Variants in CEACAM6 observed in about 807,000 individuals in gnomAD.
The protein encoded by CEACAM6 is cell adhesion molecule CEACAM6.
Under a neutral mutation model 32.4 loss-of-function variants are expected in CEACAM6, and 21 were observed. The observed-to-expected ratio is 0.65, with a 90% CI of 0.46 to 0.93. CEACAM6 has a LOEUF of 0.93. Ranked by LOEUF, CEACAM6 falls within the 40% of genes least tolerant of loss-of-function variation. The probability of loss-of-function intolerance (pLI) is 0.00; values close to 1 mark genes in which losing one functional copy is unlikely to be tolerated. For missense variants in CEACAM6, 406 were observed against 432.2 expected (o/e 0.94, Z 0.54); for synonymous variants, 184 against 174.4 (o/e 1.06, Z -0.43).
intron 4 of CEACAM6, among the ~76,000 whole-genome samples, chr19:41,763,763 G>A (rs769754610): frequency 6.6e-6 from 1 of 152,146 alleles, no homozygotes; most frequent in Admixed American, 6.5e-5. Context: ...TGCCACACAC[G>A]GCAATCTTCT....
chr19:41,761,407 A>G lies in CEACAM6; in HGVS notation c.583A>G (p.Asn195Asp), dbSNP rs782709435. 3 of 1,614,208 alleles carry G rather than the reference A, an allele frequency of 1.9e-6. No individual in the cohort carries two copies. The South Asian group carries it at 3.3e-5, about 18-fold the overall frequency. Residue 195 changes from asparagine (N) to aspartate (D), a missense_variant, in exon 3 of 6, where the codon AAT becomes GAT. Coordinates refer to ENST00000199764, the MANE Select transcript of CEACAM6 (RefSeq NM_002483.7). Reference protein sequence around the residue: ...LPVSPRLQLSNGNMTLTLLSV... With the variant: ...LPVSPRLQLSDGNMTLTLLSV... ...GGTCAGTCCCAGGCTGCAGCTGTCC[A>G]ATGGCAACATGACCCTCACTCTACT...
intron 2 of CEACAM6, among the ~76,000 whole-genome samples, chr19:41,759,097 C>T (rs2072907442): frequency 6.6e-6 from 1 of 152,220 alleles, no homozygotes; most frequent in Admixed American, 6.5e-5. Context: ...CCATTGACTT[C>T]CGTCCTCATC....
intron 5 of CEACAM6, among the ~76,000 whole-genome samples, chr19:41,770,106 T>C (rs142552332): frequency 2.0e-5 from 3 of 151,478 alleles, no homozygotes; most frequent in African/African-American, 7.3e-5. Context: ...AAACTTCCTG[T>C]AAAACAAACT....
At position 41,761,397 on chromosome 19, in the gene CEACAM6, G is replaced by T; in HGVS notation, c.573G>T (p.Leu191=). ...AGAGCCTCCCGGTCAGTCCCAGGCT[G>T]CAGCTGTCCAATGGCAACATGACCC... ...NGQSLPVSPR[L]QLSNGNMTLT... is the part of the protein sequence containing the mutation. The change falls in exon 3 of 6, where the codon CTG becomes CTT. Residue 191 remains leucine (L), a synonymous_variant. Coordinates refer to ENST00000199764, the MANE Select transcript of CEACAM6 (RefSeq NM_002483.7). The T allele has an allele frequency of 6.2e-7, 1 of 1,614,224 alleles. No homozygotes were observed. The highest frequency in any genetic ancestry group is 8.5e-7 in the Non-Finnish European group (1 of 1,180,046).
intron 5 of CEACAM6, among the ~76,000 whole-genome samples, chr19:41,770,482 A>C (rs2072987667): frequency 6.6e-6 from 1 of 151,804 alleles, no homozygotes; most frequent in Non-Finnish European, 1.5e-5. Context: ...ACTCCTATTC[A>C]AGGAGAATCG....
chr19:41,761,244 C>T lies in CEACAM6; in HGVS notation c.425-5C>T. 1 of 1,614,184 alleles carries T rather than the reference C, an allele frequency of 6.2e-7. No individual in the cohort carries two copies. The highest frequency in any genetic ancestry group is 8.5e-7 in the Non-Finnish European group (1 of 1,180,032). On this transcript the variant is annotated splice_polypyrimidine_tract_variant and splice_region_variant and intron_variant, in intron 2 of 5. Transcript: ENST00000199764. ...AGGGCAATCTTCTCTCTGTTTTCTG[C>T]ACAGCGGAGCTGCCCAAGCCCTCCA...
At position 41,756,825 on chromosome 19, in the gene CEACAM6, G is replaced by A. The variant is rs1314967601; in HGVS notation, c.290G>A (p.Gly97Asp). 1.2e-6 allele frequency: 2 copies of A among 1,613,980 alleles called. No homozygotes were observed. The highest frequency in any genetic ancestry group is 1.1e-5 in the South Asian group (1 of 91,084). Reference protein sequence around the residue: ...QQATPGPAYSGRETIYPNASL... With the variant: ...QQATPGPAYSDRETIYPNASL... ...GCTACCCCAGGGCCCGCATACAGTG[G>A]TCGAGAGACAATATACCCCAATGCA... Residue 97 changes from glycine to aspartate, a missense_variant, in exon 2 of 6, where the codon GGT becomes GAT. Coordinates refer to ENST00000199764, the MANE Select transcript of CEACAM6 (RefSeq NM_002483.7).
At chr19:41,757,830 T>A (rs561636534) in intron 2 of CEACAM6, 2 of 152,274 alleles carry the variant, frequency 1.3e-5, no homozygotes, top group African/African-American at 4.8e-5. Context: ...ACAAACAACC[T>A]CACAGCCAAA....
rs7246116 is a variant in CEACAM6 at position 41,762,045 on chromosome 19, C to G, written c.780C>G (p.His260Gln). Residue 260 changes from histidine to glutamine, a missense_variant, in exon 4 of 6, where the codon CAC becomes CAG. By Grantham distance (24) the His-to-Gln change is conservative (BLOSUM62 0). Transcript: ENST00000199764. ...GGGAAAATCTGAACCTCTCCTGCCA[C>G]GCAGCCTCTAACCCACCTGCACAGT... The part of the protein sequence containing the change: ...RPGENLNLSC[H>Q]AASNPPAQYS... 2 of 1,614,194 alleles carry G rather than the reference C, an allele frequency of 1.2e-6. No individual in the cohort carries two copies. The highest frequency in any genetic ancestry group is 4.5e-5 in the East Asian group (2 of 44,884).
At chr19:41,764,436 G>T (rs1470569452) in intron 4 of CEACAM6, among the ~76,000 whole-genome samples, 1 of 151,712 alleles carries the variant, frequency 6.6e-6, no homozygotes, top group African/African-American at 2.4e-5. Flanking sequence ...ACAGGCATAT[G>T]CCATCATGCC....
chr19:41,768,422 T>C (rs2072969685), intron 5 of CEACAM6, among the ~76,000 whole-genome samples: 1 of 152,202 alleles, frequency 6.6e-6, no homozygotes, highest in South Asian at 2.1e-4. Flanking sequence ...GGGGGTAAGG[T>C]CACAGTTCAA....
chr19:41,761,855 T>A, intron 3 of CEACAM6, 114 bp from the exon 4 acceptor site: 2 of 1,354,812 alleles, frequency 1.5e-6, no homozygotes, highest in Non-Finnish European at 2.0e-6. Flanking sequence ...GGGGGTTTGG[T>A]TGAGACTTCA....
intron 4 of CEACAM6, among the ~76,000 whole-genome samples, chr19:41,763,877 G>A (rs964336981): frequency 3.9e-5 from 6 of 152,220 alleles, no homozygotes; most frequent in Non-Finnish European, 5.9e-5. Flanking sequence ...TGTGAACAGA[G>A]ATAATTTTAC....
In CEACAM6 at chr19:41,761,997, C is replaced by G. The variant is rs142067276; in HGVS notation, c.732C>G (p.Pro244=). ...GCCCAGATGTCCCCACCATTTCCCC[C>G]TCAAAGGCCAATTACCGTCCAGGGG... ...LYGPDVPTIS[P]SKANYRPGEN... Residue 244 remains proline (P), a synonymous_variant, in exon 4 of 6, where the codon CCC becomes CCG. Transcript: ENST00000199764. 56 of 1,614,042 alleles carry G rather than the reference C, an allele frequency of 3.5e-5. No homozygotes were observed. In the South Asian group the frequency reaches 5.8e-4, roughly 17 times the overall value.
In CEACAM6 at chr19:41,756,594, T is replaced by C; in HGVS notation, c.65-6T>C. ...ATATTGACCGATGCTCTCTCCTCTC[T>C]CCTAGCCTCACTTCTAACCTTCTGG... On this transcript the variant is annotated splice_polypyrimidine_tract_variant and splice_region_variant and intron_variant, in intron 1 of 5. Transcript: ENST00000199764. 6.2e-7 allele frequency: 1 copy of C among 1,612,568 alleles called. No individual in the cohort carries two copies. Among genetic ancestry groups the C allele is most frequent in the East Asian group, 2.2e-5 (1 of 44,880 alleles).
intron 1 of CEACAM6, 145 bp from the exon 2 acceptor site, chr19:41,756,454 AC>A (rs2072885590): frequency 8.6e-6 from 1 of 116,192 alleles, no homozygotes; most frequent in Admixed American, 3.2e-4. Context: ...ACTCAGTAGG[AC>A]ACACACACAC....
At chr19:41,760,484 C>T (rs959392929) in intron 2 of CEACAM6, among the ~76,000 whole-genome samples, 3 of 152,152 alleles carry the variant, frequency 2.0e-5, no homozygotes, top group Admixed American at 6.6e-5. Flanking sequence ...ACCTGCCCTC[C>T]GCAGAGGGAG....
At chr19:41,760,344 T>C (rs2072914965) in intron 2 of CEACAM6, among the ~76,000 whole-genome samples, 1 of 152,258 alleles carries the variant, frequency 6.6e-6, no homozygotes, top group African/African-American at 2.4e-5. Flanking sequence ...CAAATTTCTG[T>C]CTCATATCTG....
In CEACAM6 at chr19:41,771,823, A is replaced by G. The variant is rs1209814789; in HGVS notation, c.*1062A>G. ...AACTGATAATAGCACTAATGCTTTA[A>G]GATTTGGTCACACTCTCACCTAGGT... On this transcript the variant is annotated 3_prime_UTR_variant, in exon 6 of 6. Transcript: ENST00000199764. 1.3e-5 allele frequency: 2 copies of G among 152,220 alleles called. No individual in the cohort carries two copies. The highest frequency in any genetic ancestry group is 2.9e-5 in the Non-Finnish European group (2 of 68,030). The allele number at this position is 152,220 out of a possible 1,614,324, so 9.4% of individuals were successfully genotyped here. A position where few individuals can be genotyped will look rare whatever the true frequency, so the allele number is the denominator to read the frequency against.
Sources: gnomAD v4.1 joint callset for allele counts (sites outside exome capture counted in the v4.1 genomes callset) on GRCh38, gnomAD v4.1.1 for gene constraint, MANE v1.5 for transcripts, NCBI Gene and HGNC (gene_info 2026-07-23, HGNC 2026-07-21) for gene names.